Variants in MICU1 observed in about 807,000 individuals in gnomAD.
MICU1 encodes the protein calcium uptake protein 1, mitochondrial.
A neutral mutation model predicts 56.8 loss-of-function variants in MICU1; 45 were observed. That is an observed-to-expected ratio of 0.79 (90% CI 0.62 to 1.02). MICU1 has a LOEUF of 1.02. Ranked by LOEUF, MICU1 falls within the 50% of genes least tolerant of loss-of-function variation. The probability of loss-of-function intolerance (pLI) is 0.00; values close to 1 mark genes in which losing one functional copy is unlikely to be tolerated. For synonymous variants in MICU1, 186 were observed against 195.1 expected (o/e 0.95, Z 0.39); for missense variants, 504 against 587.1 (o/e 0.86, Z 1.46).
intron 11 of MICU1, among the ~76,000 whole-genome samples, chr10:72,371,686 G>A (rs59552294): frequency 0.029 from 4,377 of 152,174 alleles, 190 homozygotes; most frequent in African/African-American, 0.1. Context: ...AGAGGTTGCC[G>A]TGAACCATGA....
At chr10:72,613,083 A>C (rs1047887185) in intron 1 of MICU1, among the ~76,000 whole-genome samples, 1 of 152,098 alleles carries the variant, frequency 6.6e-6, no homozygotes, top group Non-Finnish European at 1.5e-5. Flanking sequence ...AAAACTTTCA[A>C]ACATGCAGGA....
chr10:72,534,284 A>T (rs1311123417), intron 4 of MICU1, among the ~76,000 whole-genome samples: 1 of 152,062 alleles, frequency 6.6e-6, no homozygotes, highest in African/African-American at 2.4e-5. Flanking sequence ...GGTTAAATTT[A>T]AAAATTTACT....
intron 5 of MICU1, chr10:72,524,813 T>C: frequency 3.0e-6 from 3 of 990,992 alleles, no homozygotes; most frequent in Non-Finnish European, 3.9e-6. Flanking sequence ...ACTAATCAAA[T>C]ATACATATCA....
At chr10:72,550,237 T>C (rs549182169) in intron 4 of MICU1, among the ~76,000 whole-genome samples, 1 of 152,356 alleles carries the variant, frequency 6.6e-6, no homozygotes, top group South Asian at 2.1e-4. Context: ...TATGTTTAGA[T>C]ATGTTTGGAT....
chr10:72,415,898 TG>T (rs1177290101), intron 9 of MICU1, among the ~76,000 whole-genome samples: 4 of 152,196 alleles, frequency 2.6e-5, no homozygotes, highest in African/African-American at 4.8e-5. Context: ...AAGACATTGT[TG>T]ATCTCAGGTT....
chr10:72,404,783 A>G (rs542812108), intron 10 of MICU1, among the ~76,000 whole-genome samples: 102 of 152,372 alleles, frequency 6.7e-4, no homozygotes, highest in African/African-American at 2.5e-3. Flanking sequence ...TCAGAAAGAA[A>G]TTGGCAAGTC....
chr10:72,379,070 A>C (rs988540622), intron 10 of MICU1, among the ~76,000 whole-genome samples: 3 of 152,214 alleles, frequency 2.0e-5, no homozygotes, highest in Non-Finnish European at 4.4e-5. Context: ...GAGTTTAGAA[A>C]TTTAGCCTCA....
intron 1 of MICU1, among the ~76,000 whole-genome samples, chr10:72,580,410 C>A (rs1840866013): frequency 6.6e-6 from 1 of 152,132 alleles, no homozygotes; most frequent in African/African-American, 2.4e-5. Flanking sequence ...TCAGCTGTAC[C>A]ACTACTGACT....
chr10:72,389,984 G>A (rs1863016398), intron 10 of MICU1, among the ~76,000 whole-genome samples: 1 of 152,190 alleles, frequency 6.6e-6, no homozygotes, highest in African/African-American at 2.4e-5. Context: ...TTCTTCTTAA[G>A]TGCTAAACGA....
At chr10:72,599,214 C>T (rs560701686) in intron 1 of MICU1, among the ~76,000 whole-genome samples, 50 of 151,838 alleles carry the variant, frequency 3.3e-4, no homozygotes, top group Non-Finnish European at 6.3e-4. Flanking sequence ...TTCCTAAACA[C>T]CAAAAGAGAG....
intron 5 of MICU1, among the ~76,000 whole-genome samples, chr10:72,516,347 T>C (rs891647863): frequency 1.3e-5 from 2 of 152,218 alleles, no homozygotes; most frequent in Admixed American, 6.5e-5. Flanking sequence ...CTTTGTCAGA[T>C]GGATACATTG....
chr10:72,606,105 T>C (rs1841681729), intron 1 of MICU1, among the ~76,000 whole-genome samples: 1 of 146,274 alleles, frequency 6.8e-6, no homozygotes, highest in South Asian at 2.2e-4. Flanking sequence ...CACTCCAGCC[T>C]AGACGACAGA....
rs5786077 is a variant in MICU1 at position 72,475,434 on chromosome 10, A to AT, written c.736-138dup. 0.51 allele frequency: 312,452 copies of AT among 608,044 alleles called. 50,814 individuals are homozygous for AT. The highest frequency in any genetic ancestry group is 0.76 in the African/African-American group (38,298 of 50,440). 37.7% of individuals were successfully genotyped at this position (608,044 alleles called of 1,614,324 possible). On this transcript the variant is annotated intron_variant, in intron 7 of 11. Coordinates refer to ENST00000361114, the MANE Select transcript of MICU1 (RefSeq NM_001195518.2). ...ATTATCTCTTTTAATGCTTACAACA[A>AT]TTTTTTTTTTTTGAGACAGAGTCTC...
At chr10:72,388,840 C>T (rs76869256) in intron 10 of MICU1, among the ~76,000 whole-genome samples, 3,534 of 152,218 alleles carry the variant, frequency 0.023, 127 homozygotes, top group African/African-American at 0.082. Flanking sequence ...AGAGGCAACA[C>T]GACGATGTGG....
In MICU1 at chr10:72,423,366, T is replaced by C; in HGVS notation, c.939A>G (p.Glu313=). 1.2e-6 allele frequency: 2 copies of C among 1,613,170 alleles called. No individual in the cohort carries two copies. The highest frequency in any genetic ancestry group is 1.7e-6 in the Non-Finnish European group (2 of 1,179,602). ...LQHDVLKLEF[E]RHDPVDGRIT... is the part of the protein sequence containing the mutation. Reference sequence around the variant, plus strand: ...TTCTCCCATCCACAGGGTCATGGCGTTCAAACTGGGAGGGAAACAGAAAGA... The same window carrying C: ...TTCTCCCATCCACAGGGTCATGGCGCTCAAACTGGGAGGGAAACAGAAAGA... The change falls in exon 9 of 12, where the codon GAA becomes GAG. Residue 313 remains glutamate (E), a synonymous_variant. Coordinates refer to ENST00000361114, the MANE Select transcript of MICU1 (RefSeq NM_001195518.2).
At chr10:72,373,472 G>A (rs1351504664) in intron 11 of MICU1, among the ~76,000 whole-genome samples, 1 of 152,078 alleles carries the variant, frequency 6.6e-6, no homozygotes, top group Admixed American at 6.6e-5. Context: ...CCACTCTACA[G>A]GCTTTCCTTT....
At chr10:72,468,763 A>G (rs1375950080) in intron 8 of MICU1, among the ~76,000 whole-genome samples, 1 of 152,366 alleles carries the variant, frequency 6.6e-6, no homozygotes, top group Admixed American at 6.5e-5. Context: ...CTCCACAGTC[A>G]TAAGACTTGA....
intron 10 of MICU1, among the ~76,000 whole-genome samples, chr10:72,398,535 TAGAC>T (rs1285283236): frequency 6.6e-6 from 1 of 151,470 alleles, no homozygotes; most frequent in Non-Finnish European, 1.5e-5. Flanking sequence ...ACAAAATTGA[TAGAC>T]AGCTAGCAAG....
chr10:72,544,776 T>C (rs80107217), intron 4 of MICU1, among the ~76,000 whole-genome samples: 5,626 of 152,262 alleles, frequency 0.037, 327 homozygotes, highest in African/African-American at 0.13. Flanking sequence ...ACAGAATATT[T>C]TTTTCCTTTT....
Sources: gnomAD v4.1 joint callset for allele counts (sites outside exome capture counted in the v4.1 genomes callset) on GRCh38, gnomAD v4.1.1 for gene constraint, MANE v1.5 for transcripts, NCBI Gene and HGNC (gene_info 2026-07-23, HGNC 2026-07-21) for gene names.